The following MARCHF5 variants were observed in gnomAD, a reference collection of about 807,000 sequenced individuals.
MARCHF5 encodes E3 ubiquitin-protein ligase MARCHF5.
MARCHF5 carries 5 observed loss-of-function variants against 36.5 expected under a neutral mutation model. The observed-to-expected ratio is 0.14, with a 90% CI of 0.07 to 0.29. The LOEUF is 0.29. Ranked by LOEUF, MARCHF5 falls within the 10% of genes least tolerant of loss-of-function variation. MARCHF5 has a pLI of 1.00. For synonymous variants in MARCHF5, 103 were observed against 109.9 expected (o/e 0.94, Z 0.39); for missense variants, 179 against 336.3 (o/e 0.53, Z 3.66).
intron 1 of MARCHF5, among the ~76,000 whole-genome samples, chr10:92,307,865 T>A (rs972352781): frequency 1.3e-5 from 2 of 151,806 alleles, no homozygotes; most frequent in African/African-American, 2.4e-5. Flanking sequence ...GAGCAAGACT[T>A]TGGGCTGCTG....
intron 1 of MARCHF5, among the ~76,000 whole-genome samples, chr10:92,295,489 A>AGCCAAAT (rs1842939713): frequency 6.8e-6 from 1 of 147,296 alleles, no homozygotes; most frequent in African/African-American, 2.5e-5. Context: ...CTCGCTGCAA[A>AGCCAAAT]CTGTGCCTCT....
intron 1 of MARCHF5, among the ~76,000 whole-genome samples, chr10:92,294,686 C>T (rs1842928232): frequency 6.6e-6 from 1 of 152,268 alleles, no homozygotes; most frequent in South Asian, 2.1e-4. Context: ...GTTTTATCTT[C>T]GTGAAGACTA....
At position 92,340,716 on chromosome 10, in the gene MARCHF5, A is replaced by G. The variant is rs1843568939; in HGVS notation, c.282A>G (p.Ser94=). 6.2e-7 allele frequency: 1 copy of G among 1,613,496 alleles called. No homozygotes were observed. Residue 94 remains serine (S), a synonymous_variant, in exon 3 of 6, where the codon TCA becomes TCG. Transcript: ENST00000358935. The part of the protein sequence containing the change: ...YVLDLADRLI[S]KACPFAAAGI... ...TGGATCTTGCAGATAGACTGATCTC[A>G]AAAGCCTGTCCATTTGCTGCAGCAG...
intron 1 of MARCHF5, among the ~76,000 whole-genome samples, chr10:92,295,310 C>CTTTTTTTTTTTTTT (rs1554945659): frequency 3.8e-5 from 1 of 26,242 alleles, no homozygotes; most frequent in Non-Finnish European, 7.1e-5. Context: ...CTAGAGGCAA[C>CTTTTTTTTTTTTTT]TTTTCTTTTT....
In MARCHF5 at chr10:92,340,818, C is replaced by G; in HGVS notation, c.369+15C>G. 2 of 1,584,556 alleles carry G rather than the reference C, an allele frequency of 1.3e-6. No homozygotes were observed. The highest frequency in any genetic ancestry group is 8.6e-7 in the Non-Finnish European group (1 of 1,165,764). On this transcript the variant is annotated intron_variant, in intron 3 of 5. Transcript: ENST00000358935. ...CAGTGATGCAGGTTCACTATTTTAC[C>G]TATATAGTGATATTACTTGGTGTGA...
chr10:92,351,004 G>T (rs779613974), intron 5 of MARCHF5, 87 bp from the exon 6 acceptor site: 2 of 724,328 alleles, frequency 2.8e-6, no homozygotes, highest in Non-Finnish European at 4.7e-6. Flanking sequence ...CAAAGCCTAC[G>T]TCTTTTGTGA....
intron 2 of MARCHF5, among the ~76,000 whole-genome samples, chr10:92,313,833 C>T (rs185321282): frequency 9.9e-5 from 15 of 152,218 alleles, no homozygotes; most frequent in African/African-American, 7.2e-5. Flanking sequence ...GTGGAGGCCA[C>T]AGTGAGCTGT....
chr10:92,329,311 G>T (rs987713188), intron 2 of MARCHF5, among the ~76,000 whole-genome samples: 3 of 152,174 alleles, frequency 2.0e-5, no homozygotes, highest in Admixed American at 1.3e-4. Context: ...GTTAAGAAAA[G>T]ATAACTTATT....
rs903627796 is a variant in MARCHF5, at chr10:92,311,201, G to A, written c.102G>A (p.Arg34=). 1 of 1,614,132 alleles carries A rather than the reference G, an allele frequency of 6.2e-7. No individual in the cohort carries two copies. Among genetic ancestry groups the A allele is most frequent in the East Asian group, 2.2e-5 (1 of 44,878 alleles). ...DRTAEWVRPC[R]CRGSTKWVHQ... ...CAGCTGAATGGGTGAGACCATGCAG[G>A]TGCAGAGGATCTACAAAATGGGTTC... is the stretch of plus-strand genomic sequence containing the variant. Residue 34 remains arginine (R), a synonymous_variant, in exon 2 of 6, where the codon AGG becomes AGA. Coordinates refer to ENST00000358935, the MANE Select transcript of MARCHF5 (RefSeq NM_017824.5).
rs561348541 is a variant in MARCHF5, at chr10:92,315,571, G to A, written c.238+4234G>A. On this transcript the variant is annotated intron_variant, in intron 2 of 5. Coordinates refer to ENST00000358935, the MANE Select transcript of MARCHF5 (RefSeq NM_017824.5). ...CCTATTTAATAATGTATCACAATACGGTGGGAACAAGGATGTCTCCTAGTA... is the reference window on the plus strand; with the variant it reads ...CCTATTTAATAATGTATCACAATACAGTGGGAACAAGGATGTCTCCTAGTA... Among the ~76,000 whole-genome samples, 7 of 152,220 alleles carry A rather than the reference G, an allele frequency of 4.6e-5. No individual in the cohort carries two copies. The South Asian group carries it at 1.2e-3, about 27-fold the overall frequency.
intron 1 of MARCHF5, among the ~76,000 whole-genome samples, chr10:92,306,745 G>A (rs7085368): frequency 0.2 from 30,995 of 152,126 alleles, 4,027 homozygotes; most frequent in East Asian, 0.39. Flanking sequence ...CAGGCGCAGT[G>A]GCTCATGACT....
At chr10:92,312,836 G>A (rs1050518417) in intron 2 of MARCHF5, among the ~76,000 whole-genome samples, 1 of 152,188 alleles carries the variant, frequency 6.6e-6, no homozygotes, top group Admixed American at 6.5e-5. Flanking sequence ...TTTGGAGATG[G>A]CAATGTGTAG....
intron 3 of MARCHF5, among the ~76,000 whole-genome samples, chr10:92,345,012 A>G (rs1354300485): frequency 1.3e-5 from 2 of 152,112 alleles, no homozygotes; most frequent in East Asian, 3.8e-4. Flanking sequence ...TTGGCTCCTT[A>G]AGTGAAGCCT....
At chr10:92,303,943 G>C (rs934801867) in intron 1 of MARCHF5, among the ~76,000 whole-genome samples, 5 of 152,090 alleles carry the variant, frequency 3.3e-5, no homozygotes. Flanking sequence ...ATCTCCTTTT[G>C]CTTTGTAAAT....
At chr10:92,332,707 G>A (rs1366386644) in intron 2 of MARCHF5, among the ~76,000 whole-genome samples, 1 of 151,456 alleles carries the variant, frequency 6.6e-6, no homozygotes, top group Non-Finnish European at 1.5e-5. Context: ...TTTTAGTAGA[G>A]ACAGGGTTTC....
chr10:92,318,357 C>T (rs966907814), intron 2 of MARCHF5, among the ~76,000 whole-genome samples: 5 of 149,970 alleles, frequency 3.3e-5, no homozygotes, highest in Non-Finnish European at 5.9e-5. Context: ...ACCCGAGAGG[C>T]GGAGGTTTCA....
At chr10:92,299,666 C>T (rs763089915) in intron 1 of MARCHF5, among the ~76,000 whole-genome samples, 1 of 152,146 alleles carries the variant, frequency 6.6e-6, no homozygotes, top group African/African-American at 2.4e-5. Flanking sequence ...CTCAGAGCTT[C>T]CCACACACAC....
intron 2 of MARCHF5, among the ~76,000 whole-genome samples, chr10:92,336,235 C>T (rs1455245827): frequency 6.6e-6 from 1 of 152,190 alleles, no homozygotes; most frequent in Admixed American, 6.5e-5. Context: ...CGGGGTTTCA[C>T]CATGTTAGCC....
Position 92,311,167 on chromosome 10 carries a change from A to G in MARCHF5, c.68A>G (p.Asp23Gly). 1 of 1,614,112 alleles carries G rather than the reference A, an allele frequency of 6.2e-7. No individual in the cohort carries two copies. ...SCWVCFATDE[D>G]DRTAEWVRPC... is the part of the protein sequence containing the mutation. ...TGGGTTTGTTTTGCTACTGATGAAG[A>G]TGATAGAACAGCTGAATGGGTGAGA... Residue 23 changes from aspartate to glycine, a missense_variant, in exon 2 of 6, where the codon GAT (aspartate) becomes GGT (glycine). By Grantham distance (94) the Asp-to-Gly change is moderately conservative. This residue lies in a region of MARCHF5 where 66 missense variants were observed against 180.5 expected (regional missense o/e 0.37). Coordinates refer to ENST00000358935, the MANE Select transcript of MARCHF5 (RefSeq NM_017824.5).
Sources: gnomAD v4.1 joint callset for allele counts (sites outside exome capture counted in the v4.1 genomes callset) on GRCh38, gnomAD v4.1.1 for gene constraint, gnomAD v4.1.1 regional missense constraint, MANE v1.5 for transcripts, NCBI Gene and HGNC (gene_info 2026-07-23, HGNC 2026-07-21) for gene names.